Variants in TRIP10 observed in about 807,000 individuals in gnomAD.
TRIP10 encodes cdc42-interacting protein 4.
A neutral mutation model predicts 80.9 loss-of-function variants in TRIP10; 54 were observed. That is an observed-to-expected ratio of 0.67 (90% confidence interval 0.54 to 0.84). TRIP10 has a LOEUF of 0.84. TRIP10 is among the 40% of genes least tolerant of loss of function. The probability of loss-of-function intolerance (pLI) is 0.00; values close to 1 mark genes in which losing one functional copy is unlikely to be tolerated. For synonymous variants in TRIP10, 321 were observed against 307.2 expected (o/e 1.04, Z -0.47); for missense variants, 773 against 815.3 (o/e 0.95, Z 0.63).
rs1459545006 is a variant in TRIP10 at position 6,743,519 on chromosome 19, G to T, written c.434G>T (p.Cys145Phe). The change falls in exon 6 of 15, where the codon TGC (cysteine) becomes TTC (phenylalanine). Residue 145 changes from cysteine to phenylalanine, a missense_variant. Cys to Phe is a radical substitution (Grantham distance 205, BLOSUM62 -2). Coordinates refer to ENST00000313244, the MANE Select transcript of TRIP10 (RefSeq NM_001288962.2). ...AGTAAGCGTAAATTTGAGCGGGACT[G>T]CCGGGAGGCAGAGAAGGCAGCCCAG... ...ENSKRKFERD[C>F]REAEKAAQTA... is the part of the protein sequence containing the mutation. 5 of 1,613,500 alleles carry T rather than the reference G, an allele frequency of 3.1e-6. No individual in the cohort carries two copies. The highest frequency in any genetic ancestry group is 1.3e-5 in the African/African-American group (1 of 74,764).
At chr19:6,741,151 G>T in intron 2 of TRIP10, 26 bp downstream of exon 2, 1 of 1,614,042 alleles carries the variant, frequency 6.2e-7, no homozygotes, top group East Asian at 2.2e-5. Context: ...GGACGCTACG[G>T]AGGACGCGCC....
chr19:6,741,613 G>T lies in TRIP10; in HGVS notation c.197+332G>T, dbSNP rs573113161. On this transcript the variant is annotated intron_variant, in intron 3 of 14. Transcript: ENST00000313244. The stretch of plus-strand genomic sequence containing the variant: ...TTCCTCATCTGTGAAATGGAATGAT[G>T]ACGATTCCTCCAGCTTTGTAGGGCT... 3.9e-5 allele frequency among the ~76,000 whole-genome samples: 6 copies of T among 152,256 alleles called. No individual in the cohort carries two copies. In the South Asian group the frequency reaches 1.2e-3, roughly 32 times the overall value.
chr19:6,746,065 G>C lies in TRIP10; in HGVS notation c.1021G>C (p.Val341Leu), dbSNP rs144735071. The C allele has an allele frequency of 1.0e-6, 1 of 995,848 alleles. No homozygotes were observed. Among genetic ancestry groups the C allele is most frequent in the Non-Finnish European group, 1.3e-6 (1 of 794,230 alleles). 61.7% of individuals were successfully genotyped at this position (995,848 alleles called of 1,614,324 possible). A position where few individuals can be genotyped will look rare whatever the true frequency, so the allele number is the denominator to read the frequency against. ...ACCCCTCTCCCCCCTGGGGGGCCCC[G>C]TACCCTCGGCATTGCCTAACGGACC... ...PPPLSPLGGP[V>L]PSALPNGPPS... Residue 341 changes from valine to leucine, a missense_variant, in exon 10 of 15, where the codon GTA becomes CTA. Coordinates refer to ENST00000313244, the MANE Select transcript of TRIP10 (RefSeq NM_001288962.2). The surrounding 1 kb of genome is among the most constrained non-coding windows in gnomAD (Gnocchi z 6.2).
At position 6,745,768 on chromosome 19, in the gene TRIP10, T is replaced by C; in HGVS notation, c.985-261T>C. The C allele has an allele frequency of 1.0e-6, 1 of 985,352 alleles. No individual in the cohort carries two copies. Among genetic ancestry groups the C allele is most frequent in the Non-Finnish European group, 1.2e-6 (1 of 829,912 alleles). 61.0% of individuals were successfully genotyped at this position (985,352 alleles called of 1,614,324 possible). ...GAGTGAGAGTTCTGGCTTTCGGGCTTACAGTTCAACATCCTCCCCGCCACC... is the reference window on the plus strand; with the variant it reads ...GAGTGAGAGTTCTGGCTTTCGGGCTCACAGTTCAACATCCTCCCCGCCACC... On this transcript the variant is annotated intron_variant, in intron 9 of 14. Coordinates refer to ENST00000313244, the MANE Select transcript of TRIP10 (RefSeq NM_001288962.2). The surrounding 1 kb of genome is among the most constrained non-coding windows in gnomAD (Gnocchi z 7.2).
rs965370155 is a variant in TRIP10, at chr19:6,746,081, C to G, written c.1037C>G (p.Pro346Arg). 1.1e-5 allele frequency: 17 copies of G among 1,533,010 alleles called. No homozygotes were observed. The highest frequency in any genetic ancestry group is 1.4e-5 in the Non-Finnish European group (16 of 1,139,062). 95.0% of individuals were successfully genotyped at this position (1,533,010 alleles called of 1,614,324 possible). A position where few individuals can be genotyped will look rare whatever the true frequency, so the allele number is the denominator to read the frequency against. ...GGGGGCCCCGTACCCTCGGCATTGC[C>G]TAACGGACCCCCGTCCCCCCGCTCC... ...PLGGPVPSAL[P>R]NGPPSPRSGR... The change falls in exon 10 of 15, where the codon CCT (proline) becomes CGT (arginine). Residue 346 changes from proline (P) to arginine (R), a missense_variant. Physicochemically the swap from Pro to Arg is moderately radical, Grantham distance 103. Coordinates refer to ENST00000313244, the MANE Select transcript of TRIP10 (RefSeq NM_001288962.2). This position sits in a 1 kb window ranked among gnomAD's most constrained non-coding sequence, Gnocchi z 6.2.
Position 6,746,247 on chromosome 19 carries a change from G to T in TRIP10, c.1152+51G>T. 2.7e-6 allele frequency: 4 copies of T among 1,484,148 alleles called. No individual in the cohort carries two copies. Among genetic ancestry groups the T allele is most frequent in the Non-Finnish European group, 2.7e-6 (3 of 1,111,558 alleles). 91.9% of individuals were successfully genotyped at this position (1,484,148 alleles called of 1,614,324 possible). A position where few individuals can be genotyped will look rare whatever the true frequency, so the allele number is the denominator to read the frequency against. ...AGGTGGTGGCCCTAGCCTGCCCAGCGGCGGGTGGCGGGACCCTGGGCTCGC... is the reference window on the plus strand; with the variant it reads ...AGGTGGTGGCCCTAGCCTGCCCAGCTGCGGGTGGCGGGACCCTGGGCTCGC... On this transcript the variant is annotated intron_variant, in intron 10 of 14. Coordinates refer to ENST00000313244, the MANE Select transcript of TRIP10 (RefSeq NM_001288962.2). This position sits in a 1 kb window ranked among gnomAD's most constrained non-coding sequence, Gnocchi z 6.2.
At chr19:6,739,842 T>C (rs1025873212) in intron 1 of TRIP10, 57 bp downstream of exon 1, 4 of 1,391,876 alleles carry the variant, frequency 2.9e-6, no homozygotes, top group South Asian at 3.8e-5. Context: ...GGCACCCCCC[T>C]TTTGTCCCCA....
At position 6,750,807 on chromosome 19, in the gene TRIP10, C is replaced by A. The variant is rs535344681; in HGVS notation, c.1657+174C>A. Among the ~76,000 whole-genome samples the A allele has an allele frequency of 8.7e-4, 133 of 152,198 alleles. 2 individuals carry two copies. The highest frequency in any genetic ancestry group is 3.0e-3 in the African/African-American group (126 of 41,534). On this transcript the variant is annotated intron_variant, in intron 14 of 14. Coordinates refer to ENST00000313244, the MANE Select transcript of TRIP10 (RefSeq NM_001288962.2). ...GGTCAAGAATTCCATACCAGCCTGGCGAACACGGTGAAACCCCATCTCTAC... is the reference window on the plus strand; with the variant it reads ...GGTCAAGAATTCCATACCAGCCTGGAGAACACGGTGAAACCCCATCTCTAC...
rs1969035157 is a variant in TRIP10, at chr19:6,744,429, C to T, written c.643-125C>T. 1.4e-6 allele frequency: 2 copies of T among 1,386,404 alleles called. No individual in the cohort carries two copies. The highest frequency in any genetic ancestry group is 1.4e-5 in the African/African-American group (1 of 70,140). The allele number at this position is 1,386,404 out of a possible 1,614,324, so 85.9% of individuals were successfully genotyped here. A position where few individuals can be genotyped will look rare whatever the true frequency, so the allele number is the denominator to read the frequency against. On this transcript the variant is annotated intron_variant, in intron 7 of 14. Coordinates refer to ENST00000313244, the MANE Select transcript of TRIP10 (RefSeq NM_001288962.2). This position sits in a 1 kb window ranked among gnomAD's most constrained non-coding sequence, Gnocchi z 4.9. The stretch of plus-strand genomic sequence containing the variant: ...CTGGAGTCTCTCTTCCCGACTCTGT[C>T]TTCCCCTCCAGACTGGCTTGGGGCT...
chr19:6,747,814 TA>T (rs1408115705), intron 11 of TRIP10, among the ~76,000 whole-genome samples: 5 of 150,942 alleles, frequency 3.3e-5, no homozygotes, highest in African/African-American at 9.8e-5. Flanking sequence ...ATAATAATAA[TA>T]ATACATTAGC....
In TRIP10 at chr19:6,746,249, CG is replaced by C. The variant is rs1969128462; in HGVS notation, c.1152+56del. ...GTGGTGGCCCTAGCCTGCCCAGCGGCGGGTGGCGGGACCCTGGGCTCGCTTC... is the reference window on the plus strand; with the variant it reads ...GTGGTGGCCCTAGCCTGCCCAGCGGCGGTGGCGGGACCCTGGGCTCGCTTC... On this transcript the variant is annotated intron_variant, in intron 10 of 14. Coordinates refer to ENST00000313244, the MANE Select transcript of TRIP10 (RefSeq NM_001288962.2). The surrounding 1 kb of genome is among the most constrained non-coding windows in gnomAD (Gnocchi z 6.2). The C allele has an allele frequency of 6.7e-7, 1 of 1,483,714 alleles. No individual in the cohort carries two copies. 91.9% of individuals were successfully genotyped at this position (1,483,714 alleles called of 1,614,324 possible).
intron 7 of TRIP10, 87 bp downstream of exon 7, chr19:6,743,923 A>T: frequency 2.0e-6 from 3 of 1,524,998 alleles, no homozygotes; most frequent in Non-Finnish European, 2.7e-6. Context: ...CCCCAGCTGC[A>T]ATGTCCCAGT....
chr19:6,746,528 G>A lies in TRIP10; in HGVS notation c.1229G>A (p.Arg410His), dbSNP rs201134453. 80 of 1,614,188 alleles carry A rather than the reference G, an allele frequency of 5.0e-5. No homozygotes were observed. The highest frequency in any genetic ancestry group is 4.9e-4 in the East Asian group (22 of 44,890). ...CGGCTTCAACAGCAGTTGGAAGAAC[G>A]CAGTCGTGAACTTCAGAAGGAGGTT... is the stretch of plus-strand genomic sequence containing the variant. ...RKRLQQQLEE[R>H]SRELQKEVDQ... The change falls in exon 11 of 15, where the codon CGC (arginine) becomes CAC (histidine). Residue 410 changes from arginine to histidine, a missense_variant. Coordinates refer to ENST00000313244, the MANE Select transcript of TRIP10 (RefSeq NM_001288962.2). The surrounding 1 kb of genome is among the most constrained non-coding windows in gnomAD (Gnocchi z 6.2).
intron 12 of TRIP10, 77 bp downstream of exon 12, chr19:6,750,143 G>GGGGGGGGGC: frequency 2.6e-5 from 22 of 842,222 alleles, no homozygotes; most frequent in Non-Finnish European, 4.1e-5. Context: ...GGGGGTCGGG[G>GGGGGGGGGC]ACAGGGGAGG....
chr19:6,749,676 C>T (rs532781784), intron 11 of TRIP10, among the ~76,000 whole-genome samples: 22 of 152,178 alleles, frequency 1.4e-4, no homozygotes, highest in South Asian at 6.2e-4. Context: ...AGCCAGACCC[C>T]ATCTCTACTA....
chr19:6,744,623 G>A lies in TRIP10; in HGVS notation c.712G>A (p.Glu238Lys), dbSNP rs1406010008. The change falls in exon 8 of 15, where the codon GAG becomes AAG. Residue 238 changes from glutamate to lysine, a missense_variant. Glu to Lys is a moderately conservative substitution (Grantham distance 56). Transcript: ENST00000313244. The surrounding 1 kb of genome is among the most constrained non-coding windows in gnomAD (Gnocchi z 4.9). ...CGGGTATGGGCTCCTGTCGGAGGCC[G>A]AGCTGGAGGTGGTGCCCATAATAGC... The part of the protein sequence containing the change: ...GAGYGLLSEA[E>K]LEVVPIIAKC... 8.7e-6 allele frequency: 14 copies of A among 1,613,794 alleles called. No individual in the cohort carries two copies. Among genetic ancestry groups the A allele is most frequent in the Non-Finnish European group, 1.1e-5 (13 of 1,179,858 alleles).
intron 11 of TRIP10, among the ~76,000 whole-genome samples, chr19:6,748,044 A>C (rs1280536947): frequency 6.6e-6 from 1 of 152,160 alleles, no homozygotes; most frequent in Non-Finnish European, 1.5e-5. Context: ...AAGATAGTTC[A>C]ATATCAAAAA....
intron 3 of TRIP10, among the ~76,000 whole-genome samples, chr19:6,742,387 C>T (rs1968942787): frequency 6.6e-6 from 1 of 151,916 alleles, no homozygotes; most frequent in African/African-American, 2.4e-5. Context: ...GAGACTCTGT[C>T]TCCAAAACAA....
rs930994938 is a variant in TRIP10, at chr19:6,745,648, A to G, written c.985-381A>G. The G allele has an allele frequency of 7.1e-6, 7 of 985,226 alleles. No individual in the cohort carries two copies. The highest frequency in any genetic ancestry group is 8.4e-6 in the Non-Finnish European group (7 of 829,884). 61.0% of individuals were successfully genotyped at this position (985,226 alleles called of 1,614,324 possible). ...TGCGTCTTCTAGACTGTCAGCCCAG[A>G]AAGCTAAGTGGACAGAGAGACATGG... On this transcript the variant is annotated intron_variant, in intron 9 of 14. Coordinates refer to ENST00000313244, the MANE Select transcript of TRIP10 (RefSeq NM_001288962.2). The surrounding 1 kb of genome is among the most constrained non-coding windows in gnomAD (Gnocchi z 7.2).
Sources: gnomAD v4.1 joint callset for allele counts (sites outside exome capture counted in the v4.1 genomes callset) on GRCh38, gnomAD v4.1.1 for gene constraint, Gnocchi (gnomAD v3.1) non-coding constraint, MANE v1.5 for transcripts, NCBI Gene and HGNC (gene_info 2026-07-23, HGNC 2026-07-21) for gene names.